The following BOLA3 variants were observed in gnomAD, a reference collection of about 807,000 sequenced individuals.
BOLA3 encodes the protein bolA-like protein 3.
Under a neutral mutation model 14.5 loss-of-function variants are expected in BOLA3, and 8 were observed. The observed-to-expected ratio is 0.55, with a 90% confidence interval of 0.32 to 0.99. The LOEUF is 0.99. BOLA3 is among the 50% of genes least tolerant of loss of function. The probability of loss-of-function intolerance (pLI) is 0.04; values close to 1 mark genes in which losing one functional copy is unlikely to be tolerated. For synonymous variants in BOLA3, 42 were observed against 45.7 expected (o/e 0.92, Z 0.33); for missense variants, 115 against 138.2 (o/e 0.83, Z 0.84).
At chr2:74,144,505 C>T (rs916243677) in intron 2 of BOLA3, among the ~76,000 whole-genome samples, 3 of 152,036 alleles carry the variant, frequency 2.0e-5, no homozygotes, top group Non-Finnish European at 2.9e-5. Context: ...CGCCACGGGC[C>T]GTTCTGTGTG....
chr2:74,135,767 C>T, intron 3 of BOLA3, 109 bp from the exon 4 acceptor site: 1 of 858,148 alleles, frequency 1.2e-6, no homozygotes, highest in South Asian at 1.5e-5. Flanking sequence ...TTTGTATGTG[C>T]TTTGTTTAAG....
intron 2 of BOLA3, among the ~76,000 whole-genome samples, chr2:74,144,027 A>T: frequency 1.8e-5 from 2 of 112,686 alleles, no homozygotes; most frequent in Non-Finnish European, 1.8e-5. Flanking sequence ...TTTTTTTGAG[A>T]CACAGTCTCG....
intron 2 of BOLA3, among the ~76,000 whole-genome samples, chr2:74,144,844 T>C (rs560678719): frequency 6.6e-5 from 10 of 152,160 alleles, no homozygotes; most frequent in Non-Finnish European, 1.5e-4. Context: ...TATCCTAGGG[T>C]GTCAGAAGAA....
At chr2:74,145,496 A>G in intron 1 of BOLA3, 193 bp from the exon 2 acceptor site, 1 of 610,594 alleles carries the variant, frequency 1.6e-6, no homozygotes, top group Non-Finnish European at 2.9e-6. Flanking sequence ...CACAGAATAA[A>G]CTTTTATTGG....
chr2:74,135,585 G>A lies in BOLA3; in HGVS notation c.*8C>T, dbSNP rs751396525. The A allele has an allele frequency of 1.9e-6, 3 of 1,614,044 alleles. No individual in the cohort carries two copies. Among genetic ancestry groups the A allele is most frequent in the Admixed American group, 3.3e-5 (2 of 60,026 alleles). On this transcript the variant is annotated 3_prime_UTR_variant, in exon 4 of 4. Coordinates refer to ENST00000327428, the MANE Select transcript of BOLA3 (RefSeq NM_212552.3). ...TTAAGCAGCAGCATCTATGCAGCCA[G>A]GGCGTGGTCAGCGTTTGGGGACAGA...
At chr2:74,143,106 C>G (rs1374818100) in intron 2 of BOLA3, among the ~76,000 whole-genome samples, 1 of 152,050 alleles carries the variant, frequency 6.6e-6, no homozygotes. Flanking sequence ...GCATGATTTA[C>G]AGAGCCAGGC....
chr2:74,143,180 G>C (rs926134988), intron 2 of BOLA3, among the ~76,000 whole-genome samples: 1 of 151,812 alleles, frequency 6.6e-6, no homozygotes, highest in Admixed American at 6.6e-5. Flanking sequence ...TTTTGAGATG[G>C]AGTCTCGCTC....
At chr2:74,147,698 C>G (rs896675568) in intron 1 of BOLA3, 123 bp downstream of exon 1, 3 of 831,012 alleles carry the variant, frequency 3.6e-6, no homozygotes, top group Non-Finnish European at 5.8e-6. Flanking sequence ...AGAGGAGCCC[C>G]CCATTGCCAG....
intron 3 of BOLA3, among the ~76,000 whole-genome samples, chr2:74,137,180 G>A (rs1286087876): frequency 6.6e-6 from 1 of 152,172 alleles, no homozygotes; most frequent in African/African-American, 2.4e-5. Flanking sequence ...GTCATTATGT[G>A]CCACTGGCCC....
intron 3 of BOLA3, among the ~76,000 whole-genome samples, chr2:74,136,185 A>G (rs1056947783): frequency 7.9e-5 from 12 of 152,222 alleles, no homozygotes; most frequent in Non-Finnish European, 1.6e-4. Flanking sequence ...CCTGGACTGG[A>G]GCAATCTGCC....
intron 3 of BOLA3, among the ~76,000 whole-genome samples, chr2:74,140,151 G>A (rs545667396): frequency 3.7e-4 from 56 of 152,248 alleles, no homozygotes; most frequent in African/African-American, 1.2e-3. Context: ...AGGTGTGGTG[G>A]CGGGCGCCTG....
At chr2:74,144,846 T>G (rs1458911825) in intron 2 of BOLA3, among the ~76,000 whole-genome samples, 1 of 152,140 alleles carries the variant, frequency 6.6e-6, no homozygotes, top group South Asian at 2.1e-4. Context: ...TCCTAGGGTG[T>G]CAGAAGAATG....
Position 74,137,268 on chromosome 2 carries a change from G to A in BOLA3, c.259-1610C>T, listed in dbSNP as rs188485847. Among the ~76,000 whole-genome samples, 128 of 152,342 alleles carry A rather than the reference G, an allele frequency of 8.4e-4. 1 individual carries two copies. Among genetic ancestry groups the A allele is most frequent in the African/African-American group, 2.9e-3 (122 of 41,582 alleles). ...CTCCCTTGGGATTTCTGAGAGTGGA[G>A]CCTTGTTTCTTGGGCCAACATGCTA... On this transcript the variant is annotated intron_variant, in intron 3 of 3. Transcript: ENST00000327428.
At chr2:74,142,017 T>G (rs933067970) in intron 3 of BOLA3, among the ~76,000 whole-genome samples, 1 of 152,218 alleles carries the variant, frequency 6.6e-6, no homozygotes, top group Non-Finnish European at 1.5e-5. Flanking sequence ...ACAATAACAG[T>G]AAACATAGGT....
intron 3 of BOLA3, among the ~76,000 whole-genome samples, chr2:74,139,153 C>T (rs945316931): frequency 1.3e-5 from 2 of 152,128 alleles, no homozygotes; most frequent in Admixed American, 6.5e-5. Flanking sequence ...AGGGGGCGCC[C>T]CCTCCAGGGA....
Position 74,145,286 on chromosome 2 carries a change from C to G in BOLA3, c.72G>C (p.Arg24=). 6.2e-7 allele frequency: 1 copy of G among 1,605,734 alleles called. No individual in the cohort carries two copies. Among genetic ancestry groups the G allele is most frequent in the Non-Finnish European group, 8.5e-7 (1 of 1,172,304 alleles). ...CCCCCTCAGTCTGAGTGGCAAACAT[C>G]CGATGGTGAAGTGGAAGCTGCCACA... ...RGIRGLPLHH[R]MFATQTEGEL... Residue 24 remains arginine (R), a synonymous_variant, in exon 2 of 4, where the codon CGG becomes CGC. Coordinates refer to ENST00000327428, the MANE Select transcript of BOLA3 (RefSeq NM_212552.3).
chr2:74,136,734 C>T (rs1184322677), intron 3 of BOLA3, among the ~76,000 whole-genome samples: 1 of 152,120 alleles, frequency 6.6e-6, no homozygotes, highest in East Asian at 1.9e-4. Flanking sequence ...AGGCTGTTTC[C>T]TGTGTTTTGT....
In BOLA3 at chr2:74,138,618, T is replaced by G. The variant is rs993775619; in HGVS notation, c.259-2960A>C. On this transcript the variant is annotated intron_variant, in intron 3 of 3. Coordinates refer to ENST00000327428, the MANE Select transcript of BOLA3 (RefSeq NM_212552.3). Reference sequence around the variant, plus strand: ...GTCAGGGAGACTGAGGCAGATCACATGAAGAATGGGCAATCCCAGGCTAGG... The same window carrying G: ...GTCAGGGAGACTGAGGCAGATCACAGGAAGAATGGGCAATCCCAGGCTAGG... Among the ~76,000 whole-genome samples, 8 of 152,174 alleles carry G rather than the reference T, an allele frequency of 5.3e-5. No homozygotes were observed. In the East Asian group the frequency reaches 1.3e-3, roughly 26 times the overall value.
intron 3 of BOLA3, 111 bp from the exon 4 acceptor site, chr2:74,135,769 T>TAAACAAAGCACA: frequency 1.2e-6 from 1 of 835,402 alleles, no homozygotes; most frequent in Non-Finnish European, 2.0e-6. Flanking sequence ...TGTATGTGCT[T>TAAACAAAGCACA]TGTTTAAGCA....
Sources: gnomAD v4.1 joint callset for allele counts (sites outside exome capture counted in the v4.1 genomes callset) on GRCh38, gnomAD v4.1.1 for gene constraint, MANE v1.5 for transcripts, NCBI Gene and HGNC (gene_info 2026-07-23, HGNC 2026-07-21) for gene names.